PRKCQ: variants seen among roughly 807,000 people sequenced by gnomAD.
The protein encoded by PRKCQ is protein kinase C theta, also known as protein kinase C theta type.
Under a neutral mutation model 91.2 loss-of-function variants are expected in PRKCQ, and 41 were observed. That is an observed-to-expected ratio of 0.45 (90% CI 0.35 to 0.58). The LOEUF (loss-of-function observed/expected upper bound fraction) is 0.58, where lower values mean the gene tolerates loss of function less well. Among genes scored for constraint, PRKCQ ranks in the 20% least tolerant of loss-of-function variants. The pLI is 0.00. For synonymous variants in PRKCQ, 307 were observed against 316.9 expected (o/e 0.97, Z 0.33); for missense variants, 673 against 896.5 (o/e 0.75, Z 3.18).
intron 14 of PRKCQ, 38 bp downstream of exon 14, chr10:6,462,265 C>T (rs373041555): frequency 6.4e-6 from 10 of 1,568,806 alleles, no homozygotes; most frequent in East Asian, 4.5e-5. Context: ...CCAGGAAAGC[C>T]GATATCTTAG....
chr10:6,403,921 C>T, the PRKCQ span, among the ~76,000 whole-genome samples: 2 of 152,104 alleles, frequency 1.3e-5, no homozygotes, highest in East Asian at 3.9e-4. Flanking sequence ...CTCCTAAGAA[C>T]AGATGCTAGG....
chr10:6,517,588 CTTTTTTTTTTT>C (rs56306878), intron 1 of PRKCQ, among the ~76,000 whole-genome samples: 35 of 49,488 alleles, frequency 7.1e-4, no homozygotes, highest in African/African-American at 2.4e-3. Context: ...AAGATAGCAT[CTTTTTTTTTTT>C]TTTTTTTTTT....
chr10:6,515,189 ATAT>A, intron 1 of PRKCQ, 45 bp from the exon 2 acceptor site: 4 of 1,608,272 alleles, frequency 2.5e-6, no homozygotes, highest in South Asian at 1.1e-5. Context: ...GCTATAAAAG[ATAT>A]TATTTTTGGT....
chr10:6,534,921 G>A (rs987150612), intron 1 of PRKCQ, among the ~76,000 whole-genome samples: 2 of 151,690 alleles, frequency 1.3e-5, no homozygotes, highest in African/African-American at 4.8e-5. Context: ...TTTGGAATGT[G>A]CAATTCAAAT....
chr10:6,489,430 A>G, intron 8 of PRKCQ: 1 of 532,354 alleles, frequency 1.9e-6, no homozygotes, highest in Non-Finnish European at 3.9e-6. Context: ...TTGGAGGGCA[A>G]AGAGTCCCTT....
chr10:6,467,361 G>GAGAGAGAC (rs1564324189), intron 12 of PRKCQ, among the ~76,000 whole-genome samples: 39 of 120,382 alleles, frequency 3.2e-4, no homozygotes, highest in Non-Finnish European at 4.5e-4. Flanking sequence ...GAGAGACAGA[G>GAGAGAGAC]AGAGAGAGAG....
chr10:6,570,072 G>A (rs1047442665), intron 1 of PRKCQ, among the ~76,000 whole-genome samples: 2 of 152,086 alleles, frequency 1.3e-5, no homozygotes, highest in Admixed American at 1.3e-4. Flanking sequence ...GGAAACATGG[G>A]CAGGGGGGTC....
chr10:6,432,936 T>G (rs760445039), intron 16 of PRKCQ, among the ~76,000 whole-genome samples: 1 of 152,194 alleles, frequency 6.6e-6, no homozygotes, highest in Non-Finnish European at 1.5e-5. Flanking sequence ...CTGCCTTATC[T>G]TTCAGGGCTC....
At chr10:6,435,161 G>A (rs1300304204) in intron 16 of PRKCQ, among the ~76,000 whole-genome samples, 2 of 152,192 alleles carry the variant, frequency 1.3e-5, no homozygotes, top group African/African-American at 4.8e-5. Flanking sequence ...GTCCCCACTG[G>A]AATTCTTGCC....
chr10:6,425,285 C>T (rs1239811731), downstream of PRKCQ, among the ~76,000 whole-genome samples: 29 of 149,540 alleles, frequency 1.9e-4, no homozygotes, highest in Non-Finnish European at 3.5e-4. Context: ...AGTGCAGTAG[C>T]GCGATCTCAG....
downstream of PRKCQ, among the ~76,000 whole-genome samples, chr10:6,423,965 C>T (rs773813896): frequency 2.6e-5 from 4 of 152,052 alleles, no homozygotes; most frequent in African/African-American, 7.2e-5. Context: ...AACAAATGCA[C>T]GTGATGGAGG....
intron 1 of PRKCQ, among the ~76,000 whole-genome samples, chr10:6,574,203 A>C (rs980879627): frequency 2.8e-4 from 42 of 152,214 alleles, no homozygotes; most frequent in Admixed American, 2.1e-3. Flanking sequence ...CCCAGTGAGG[A>C]GACAGCTGCC....
Position 6,515,292 on chromosome 10 carries a change from C to G in PRKCQ, c.-9-148G>C, listed in dbSNP as rs1413403822. 10 of 1,528,520 alleles carry G rather than the reference C, an allele frequency of 6.5e-6. No individual in the cohort carries two copies. In the East Asian group the frequency reaches 2.4e-4, roughly 37 times the overall value. 94.7% of individuals were successfully genotyped at this position (1,528,520 alleles called of 1,614,324 possible). A position where few individuals can be genotyped will look rare whatever the true frequency, so the allele number is the denominator to read the frequency against. On this transcript the variant is annotated intron_variant, in intron 1 of 17. Transcript: ENST00000263125. Reference sequence around the variant, plus strand: ...CATGTGAACAAATGTTTTCACTTCCCCTTCTGCAGAGGACACTGCTGGACT... The same window carrying G: ...CATGTGAACAAATGTTTTCACTTCCGCTTCTGCAGAGGACACTGCTGGACT...
chr10:6,417,500 C>T, the PRKCQ span, among the ~76,000 whole-genome samples: 1 of 22,880 alleles, frequency 4.4e-5, no homozygotes, highest in South Asian at 9.1e-4. Context: ...TCGGTCAAAC[C>T]CCAAATTCGA....
At chr10:6,503,879 T>C (rs2130838060) in intron 4 of PRKCQ, among the ~76,000 whole-genome samples, 1 of 152,276 alleles carries the variant, frequency 6.6e-6, no homozygotes, top group Middle Eastern at 3.4e-3. Context: ...TGGGCTCAAG[T>C]GATCCTCCTG....
chr10:6,514,383 A>G (rs1838646381), intron 2 of PRKCQ, among the ~76,000 whole-genome samples: 1 of 151,940 alleles, frequency 6.6e-6, no homozygotes, highest in Non-Finnish European at 1.5e-5. Flanking sequence ...TACACATAAG[A>G]CTGTTGGAAT....
intron 1 of PRKCQ, among the ~76,000 whole-genome samples, chr10:6,526,655 G>A (rs1195667275): frequency 6.6e-6 from 1 of 152,148 alleles, no homozygotes; most frequent in Non-Finnish European, 1.5e-5. Context: ...TGGGAAGGCG[G>A]ATGGGCTGCG....
intron 2 of PRKCQ, 42 bp downstream of exon 2, chr10:6,514,976 T>C: frequency 5.6e-6 from 9 of 1,611,198 alleles, no homozygotes; most frequent in Non-Finnish European, 7.6e-6. Context: ...ATAGCAGGAT[T>C]CTCCTCCTCC....
At chr10:6,439,237 A>T (rs1833850005) in intron 16 of PRKCQ, among the ~76,000 whole-genome samples, 1 of 152,110 alleles carries the variant, frequency 6.6e-6, no homozygotes, top group South Asian at 2.1e-4. Context: ...TGTATTCTCG[A>T]TGGATCCTGG....
Sources: gnomAD v4.1 joint callset for allele counts (sites outside exome capture counted in the v4.1 genomes callset) on GRCh38, gnomAD v4.1.1 for gene constraint, MANE v1.5 for transcripts, NCBI Gene and HGNC (gene_info 2026-07-23, HGNC 2026-07-21) for gene names.